Variants in UBE2K observed in about 807,000 individuals in gnomAD.
The protein encoded by UBE2K is ubiquitin-conjugating enzyme E2 K.
A neutral mutation model predicts 30.0 loss-of-function variants in UBE2K; 6 were observed. That is an observed-to-expected ratio of 0.20 (90% CI 0.11 to 0.39). The LOEUF is 0.39. UBE2K is among the 10% of genes least tolerant of loss of function. The probability of loss-of-function intolerance (pLI) is 1.00; values close to 1 mark genes in which losing one functional copy is unlikely to be tolerated. For synonymous variants in UBE2K, 86 were observed against 83.7 expected (o/e 1.03, Z -0.15); for missense variants, 61 against 241.6 (o/e 0.25, Z 4.96).
intron 3 of UBE2K, among the ~76,000 whole-genome samples, chr4:39,750,166 C>T (rs968273595): frequency 6.6e-6 from 1 of 152,070 alleles, no homozygotes; most frequent in African/African-American, 2.4e-5. Flanking sequence ...TGCACTCCAG[C>T]CTGGACGACA....
At chr4:39,720,825 C>T (rs1719381097) in intron 1 of UBE2K, among the ~76,000 whole-genome samples, 1 of 152,014 alleles carries the variant, frequency 6.6e-6, no homozygotes, top group African/African-American at 2.4e-5. Context: ...CTCACTGTAA[C>T]CCTGAACTCC....
At chr4:39,731,954 T>C (rs907090738) in intron 1 of UBE2K, among the ~76,000 whole-genome samples, 1 of 152,214 alleles carries the variant, frequency 6.6e-6, no homozygotes, top group African/African-American at 2.4e-5. Flanking sequence ...TTTAGAATTA[T>C]ATTTGTCTTA....
Position 39,732,780 on chromosome 4 carries a change from A to G in UBE2K, c.64-4640A>G, listed in dbSNP as rs546174589. On this transcript the variant is annotated intron_variant, in intron 1 of 6. Coordinates refer to ENST00000261427, the MANE Select transcript of UBE2K (RefSeq NM_005339.5). ...AACCTCTGCCTCCCGGGTTCAAGCA[A>G]TTCTCATGCCTCAGCCTCCTGAGTA... is the stretch of plus-strand genomic sequence containing the variant. 4.0e-5 allele frequency among the ~76,000 whole-genome samples: 6 copies of G among 150,360 alleles called. No individual in the cohort carries two copies. In the East Asian group the frequency reaches 7.8e-4, roughly 20 times the overall value.
At chr4:39,718,879 C>T (rs967849440) in intron 1 of UBE2K, among the ~76,000 whole-genome samples, 1 of 152,278 alleles carries the variant, frequency 6.6e-6, no homozygotes, top group Non-Finnish European at 1.5e-5. Flanking sequence ...CCACCCGTGC[C>T]TCTCCCTTCA....
chr4:39,770,327 C>T (rs1378894636), intron 4 of UBE2K: 31 of 1,613,342 alleles, frequency 1.9e-5, no homozygotes, highest in African/African-American at 2.7e-5. Flanking sequence ...GATGCACGTT[C>T]CTGTGGTGGT....
At chr4:39,716,118 T>A (rs1719044058) in intron 1 of UBE2K, among the ~76,000 whole-genome samples, 1 of 152,258 alleles carries the variant, frequency 6.6e-6, no homozygotes, top group African/African-American at 2.4e-5. Context: ...CCTCTGTTAC[T>A]ATCCTTTATA....
chr4:39,714,715 T>A (rs1347600473), intron 1 of UBE2K, among the ~76,000 whole-genome samples: 3 of 148,694 alleles, frequency 2.0e-5, no homozygotes, highest in African/African-American at 7.5e-5. Context: ...CCCAGTTAAA[T>A]TTTTTTTTAT....
chr4:39,711,328 A>T (rs977932784), intron 1 of UBE2K, among the ~76,000 whole-genome samples: 1 of 151,126 alleles, frequency 6.6e-6, no homozygotes, highest in Non-Finnish European at 1.5e-5. Flanking sequence ...AAGCCCAGCT[A>T]ATTTTTTGTA....
At chr4:39,774,467 G>T (rs759715063) in intron 4 of UBE2K, among the ~76,000 whole-genome samples, 1 of 151,692 alleles carries the variant, frequency 6.6e-6, no homozygotes, top group East Asian at 1.9e-4. Context: ...CAAAAAATTA[G>T]CTGGGCGTTA....
At chr4:39,746,163 G>C (rs746190410) in intron 3 of UBE2K, among the ~76,000 whole-genome samples, 2 of 152,030 alleles carry the variant, frequency 1.3e-5, no homozygotes, top group Non-Finnish European at 2.9e-5. Context: ...ATGTGTTTTA[G>C]GAGAGTACCT....
intron 2 of UBE2K, among the ~76,000 whole-genome samples, chr4:39,743,715 A>T (rs575673134): frequency 1.1e-4 from 16 of 152,260 alleles, no homozygotes; most frequent in Non-Finnish European, 8.8e-5. Flanking sequence ...ACAAAATCTC[A>T]TAGTCTTATA....
intron 1 of UBE2K, among the ~76,000 whole-genome samples, chr4:39,728,039 C>A (rs1485678765): frequency 1.3e-5 from 2 of 151,894 alleles, no homozygotes; most frequent in Non-Finnish European, 2.9e-5. Context: ...GAGGTTGAGA[C>A]AGAAGAATCG....
intron 1 of UBE2K, among the ~76,000 whole-genome samples, chr4:39,728,999 T>G (rs1296790540): frequency 6.8e-6 from 1 of 147,666 alleles, no homozygotes; most frequent in Non-Finnish European, 1.5e-5. Context: ...TAAGGAGTCT[T>G]ACTTTGTCGC....
chr4:39,728,759 C>T (rs1056667991), intron 1 of UBE2K, among the ~76,000 whole-genome samples: 2 of 151,878 alleles, frequency 1.3e-5, no homozygotes, highest in African/African-American at 4.8e-5. Context: ...CTGCCTCAGC[C>T]TCCGGAGTAG....
rs9998860 is a variant in UBE2K, at chr4:39,782,267, C to T, written c.*3833C>T. The T allele has an allele frequency of 2.5e-4, 78 of 307,540 alleles. No homozygotes were observed. The highest frequency in any genetic ancestry group is 1.2e-3 in the African/African-American group (58 of 46,766). The allele number at this position is 307,540 out of a possible 1,614,324, so 19.1% of individuals were successfully genotyped here. A position where few individuals can be genotyped will look rare whatever the true frequency, so the allele number is the denominator to read the frequency against. On this transcript the variant is annotated 3_prime_UTR_variant, in exon 7 of 7. Coordinates refer to ENST00000261427, the MANE Select transcript of UBE2K (RefSeq NM_005339.5). ...AGAAATCATTACACTGTGCTGTTAA[C>T]GATCCTTGTCTGCTTGCTGTTACCT...
At chr4:39,772,571 CAAAAAAA>C (rs1712963294) in intron 4 of UBE2K, among the ~76,000 whole-genome samples, 2 of 96,034 alleles carry the variant, frequency 2.1e-5, no homozygotes, top group South Asian at 7.5e-4. Flanking sequence ...GACCCTATCT[CAAAAAAA>C]GAAAAAAAGA....
intron 1 of UBE2K, among the ~76,000 whole-genome samples, chr4:39,706,618 C>T (rs1332346418): frequency 6.6e-6 from 1 of 151,104 alleles, no homozygotes; most frequent in Admixed American, 6.6e-5. Flanking sequence ...ATTACAGGCG[C>T]GCCCCACCGC....
intron 1 of UBE2K, among the ~76,000 whole-genome samples, chr4:39,727,720 A>G (rs1719831115): frequency 6.6e-6 from 1 of 151,992 alleles, no homozygotes; most frequent in Admixed American, 6.6e-5. Flanking sequence ...ATTGAAGTAT[A>G]TAAATTCTAA....
chr4:39,771,261 C>T (rs900094856), intron 4 of UBE2K: 4 of 1,611,706 alleles, frequency 2.5e-6, no homozygotes, highest in African/African-American at 2.7e-5. Context: ...GGAACTGGTC[C>T]CGCAGGAACG....
Sources: gnomAD v4.1 joint callset for allele counts (sites outside exome capture counted in the v4.1 genomes callset) on GRCh38, gnomAD v4.1.1 for gene constraint, MANE v1.5 for transcripts, NCBI Gene and HGNC (gene_info 2026-07-23, HGNC 2026-07-21) for gene names.